Variants in NMNAT3 observed in about 807,000 individuals in gnomAD.
The protein encoded by NMNAT3 is nicotinamide nucleotide adenylyltransferase 3, also known as nicotinamide/nicotinic acid mononucleotide adenylyltransferase 3.
NMNAT3 carries 21 observed loss-of-function variants against 24.8 expected under a neutral mutation model. The ratio of observed to expected loss-of-function variants is 0.85; its 90% CI spans 0.60 to 1.22. The LOEUF is 1.22. Among genes scored for constraint, NMNAT3 ranks in the 50% most tolerant of loss-of-function variants. NMNAT3 has a pLI of 0.00. For missense variants in NMNAT3, 387 were observed against 436.6 expected (o/e 0.89, Z 1.01); for synonymous variants, 136 against 155.2 (o/e 0.88, Z 0.92).
chr3:139,669,162 C>T (rs774853885), intron 1 of NMNAT3, among the ~76,000 whole-genome samples: 16 of 152,014 alleles, frequency 1.1e-4, no homozygotes, highest in South Asian at 4.2e-4. Context: ...CTATGCATGG[C>T]GGAGAAAAGC....
At chr3:139,585,483 T>C (rs1193605755) in intron 3 of NMNAT3, among the ~76,000 whole-genome samples, 1 of 152,248 alleles carries the variant, frequency 6.6e-6, no homozygotes, top group Non-Finnish European at 1.5e-5. Flanking sequence ...CTGTTTTTTC[T>C]GATAGTTCTT....
intron 3 of NMNAT3, among the ~76,000 whole-genome samples, chr3:139,616,614 C>T (rs973783043): frequency 6.6e-6 from 1 of 152,132 alleles, no homozygotes; most frequent in Non-Finnish European, 1.5e-5. Flanking sequence ...TAGTGGGTAG[C>T]ACTCTCTCTT....
intron 1 of NMNAT3, among the ~76,000 whole-genome samples, chr3:139,653,297 T>C (rs547111292): frequency 4.6e-4 from 70 of 152,162 alleles, no homozygotes; most frequent in African/African-American, 1.5e-3. Flanking sequence ...CAATGTGCCA[T>C]GGAATAATGC....
chr3:139,578,505 C>T lies in NMNAT3; in HGVS notation c.575+367G>A, dbSNP rs143454046. ...TATTTACATATAAAAAATCCTCATT[C>T]GGTTTTGTTGTCTCCATTTTGCAAG... On this transcript the variant is annotated intron_variant, in intron 5 of 6. Coordinates refer to ENST00000643695, the MANE Select transcript of NMNAT3 (RefSeq NM_001320510.2). 2.0e-4 allele frequency among the ~76,000 whole-genome samples: 30 copies of T among 152,242 alleles called. No individual in the cohort carries two copies. In the East Asian group the frequency reaches 4.1e-3, roughly 21 times the overall value.
chr3:139,610,699 A>G (rs895315024), intron 3 of NMNAT3, among the ~76,000 whole-genome samples: 1 of 152,218 alleles, frequency 6.6e-6, no homozygotes, highest in Admixed American at 6.5e-5. Flanking sequence ...TAAAGCCCAG[A>G]AGACCCAGAA....
intron 1 of NMNAT3, among the ~76,000 whole-genome samples, chr3:139,658,398 A>G (rs2057312264): frequency 6.6e-6 from 1 of 152,164 alleles, no homozygotes; most frequent in African/African-American, 2.4e-5. Flanking sequence ...CCTTCTGCCC[A>G]TTTGACTTCT....
At chr3:139,600,555 A>G (rs547088642) in intron 3 of NMNAT3, among the ~76,000 whole-genome samples, 74 of 151,956 alleles carry the variant, frequency 4.9e-4, no homozygotes, top group African/African-American at 1.8e-3. Context: ...TGATCCACCC[A>G]CCTTGGCTTC....
chr3:139,674,603 G>T (rs1216019001), intron 1 of NMNAT3, among the ~76,000 whole-genome samples: 2 of 152,200 alleles, frequency 1.3e-5, no homozygotes, highest in Non-Finnish European at 2.9e-5. Flanking sequence ...AATTTTGCAG[G>T]TTTTTTTCTT....
chr3:139,560,835 T>C lies in NMNAT3; in HGVS notation c.*175A>G, dbSNP rs539235934. 1 of 628,306 alleles carries C rather than the reference T, an allele frequency of 1.6e-6. No individual in the cohort carries two copies. Among genetic ancestry groups the C allele is most frequent in the Admixed American group, 2.9e-5 (1 of 33,964 alleles). The allele number at this position is 628,306 out of a possible 1,614,324, so 38.9% of individuals were successfully genotyped here. On this transcript the variant is annotated 3_prime_UTR_variant, in exon 7 of 7. Transcript: ENST00000643695. Reference sequence around the variant, plus strand: ...ATCCTTGTGATTTAGACCTTTCCTCTCCTGTAAAGAAGGTATCTCTTCCTG... The same window carrying C: ...ATCCTTGTGATTTAGACCTTTCCTCCCCTGTAAAGAAGGTATCTCTTCCTG...
chr3:139,650,046 A>G (rs1042852361), intron 1 of NMNAT3, among the ~76,000 whole-genome samples: 3 of 152,218 alleles, frequency 2.0e-5, no homozygotes, highest in African/African-American at 4.8e-5. Context: ...AAGCAAGGGC[A>G]TGGGGTAACT....
intron 3 of NMNAT3, among the ~76,000 whole-genome samples, chr3:139,587,511 C>G (rs144608125): frequency 7.2e-4 from 109 of 152,236 alleles, no homozygotes; most frequent in African/African-American, 2.6e-3. Context: ...TTTTGGAAGC[C>G]AGGATGCTAA....
chr3:139,577,061 C>A (rs1293931226), intron 5 of NMNAT3, among the ~76,000 whole-genome samples: 1 of 151,530 alleles, frequency 6.6e-6, no homozygotes, highest in Non-Finnish European at 1.5e-5. Context: ...ATAAACTTGG[C>A]AGCTGAAGTG....
At chr3:139,573,828 G>A in intron 5 of NMNAT3, 148 bp from the exon 6 acceptor site, 2 of 493,918 alleles carry the variant, frequency 4.0e-6, no homozygotes, top group South Asian at 3.8e-5. Context: ...TCTGTGGCAG[G>A]CATTGCCAGG....
chr3:139,601,116 C>A (rs553837796), intron 3 of NMNAT3, among the ~76,000 whole-genome samples: 2 of 152,294 alleles, frequency 1.3e-5, no homozygotes, highest in Admixed American at 6.5e-5. Context: ...TCTGGCTGGG[C>A]ATAAAGTCTG....
At chr3:139,574,033 G>C (rs976272603) in intron 5 of NMNAT3, among the ~76,000 whole-genome samples, 3 of 152,188 alleles carry the variant, frequency 2.0e-5, no homozygotes, top group African/African-American at 7.2e-5. Flanking sequence ...GAATCAGACA[G>C]ACTTGAATTC....
chr3:139,663,723 G>C (rs2057491899), intron 1 of NMNAT3, among the ~76,000 whole-genome samples: 1 of 152,102 alleles, frequency 6.6e-6, no homozygotes, highest in African/African-American at 2.4e-5. Context: ...CTATACACAT[G>C]ACCCGAAGTC....
intron 3 of NMNAT3, among the ~76,000 whole-genome samples, chr3:139,588,615 A>C (rs906273658): frequency 6.6e-6 from 1 of 152,246 alleles, no homozygotes; most frequent in South Asian, 2.1e-4. Flanking sequence ...GGAGGAGCCA[A>C]GAACCTCTCC....
intron 1 of NMNAT3, among the ~76,000 whole-genome samples, chr3:139,673,643 A>G (rs1277820157): frequency 2.0e-5 from 3 of 151,940 alleles, no homozygotes; most frequent in African/African-American, 7.3e-5. Flanking sequence ...ATGTGTTGCT[A>G]TGTGTGTATG....
chr3:139,655,637 C>T lies in NMNAT3; in HGVS notation c.-140-17575G>A, dbSNP rs532081600. On this transcript the variant is annotated intron_variant, in intron 1 of 6. Transcript: ENST00000643695. ...TTTACTTCTCTAGATGAAGAAGAAG[C>T]ATTTCTAAATTACTAAAGTGCCCGA... 2.1e-5 allele frequency among the ~76,000 whole-genome samples: 3 copies of T among 139,942 alleles called. No homozygotes were observed. The East Asian group carries it at 6.7e-4, about 31-fold the overall frequency. 91.8% of individuals were successfully genotyped at this position (139,942 alleles called of 152,430 possible).
Sources: allele counts gnomAD v4.1 joint callset (sites outside exome capture counted in the v4.1 genomes callset), GRCh38; gene constraint gnomAD v4.1.1; transcripts MANE v1.5; gene names NCBI Gene and HGNC (gene_info 2026-07-23, HGNC 2026-07-21).